Variants in PTPRQ observed in about 807,000 individuals in gnomAD.
PTPRQ encodes protein tyrosine phosphatase receptor type Q, also known as phosphatidylinositol phosphatase PTPRQ.
PTPRQ carries 199 observed loss-of-function variants against 246.0 expected under a neutral mutation model. The ratio of observed to expected loss-of-function variants is 0.81; its 90% confidence interval spans 0.72 to 0.91. The LOEUF (loss-of-function observed/expected upper bound fraction) is 0.91, where lower values mean the gene tolerates loss of function less well. Ranked by LOEUF, PTPRQ falls within the 40% of genes least tolerant of loss-of-function variation. The pLI, the probability that PTPRQ is intolerant of heterozygous loss-of-function variation, is 0.00. For synonymous variants in PTPRQ, 869 were observed against 853.2 expected, an observed-to-expected ratio of 1.02 and a Z score of -0.32; for missense variants, 2,624 against 2,528.4, an observed-to-expected ratio of 1.04 and a Z score of -0.81.
intron 6 of PTPRQ, 147 bp from the exon 7 acceptor site, chr12:80,468,563 T>A: frequency 1.3e-6 from 1 of 753,326 alleles, no homozygotes; most frequent in East Asian, 3.2e-5. Context: ...TATATTCCAT[T>A]TATTCTTTTT....
In PTPRQ at chr12:80,620,325, G is replaced by A; in HGVS notation, c.5561G>A (p.Gly1854Asp). ...IGADNACMIP[G>D]NEDKICNGPL... ...GCTGATAATGCATGCATGATTCCTG[G>A]CAATGAAGACAAAATTTGCAATGGA... Residue 1854 changes from glycine to aspartate, a missense_variant, in exon 32 of 45, where the codon GGC becomes GAC. Coordinates refer to ENST00000644991, the MANE Select transcript of PTPRQ (RefSeq NM_001145026.2). 6.5e-7 allele frequency: 1 copy of A among 1,549,216 alleles called. No individual in the cohort carries two copies.
At chr12:80,672,610 A>G (rs1379897493) in intron 42 of PTPRQ, among the ~76,000 whole-genome samples, 1 of 152,038 alleles carries the variant, frequency 6.6e-6, no homozygotes, top group African/African-American at 2.4e-5. Flanking sequence ...AACAGTTTCT[A>G]TGGAGCATAT....
intron 25 of PTPRQ, among the ~76,000 whole-genome samples, chr12:80,555,814 C>T (rs192944449): frequency 4.6e-5 from 7 of 152,242 alleles, no homozygotes; most frequent in Non-Finnish European, 8.8e-5. Context: ...TTTTACACTT[C>T]TTGTAGTGCA....
intron 8 of PTPRQ, among the ~76,000 whole-genome samples, chr12:80,475,346 G>A (rs1281834811): frequency 6.6e-6 from 1 of 151,982 alleles, no homozygotes; most frequent in African/African-American, 2.4e-5. Context: ...GGAGAAAATG[G>A]CATTGGGGTA....
At chr12:80,639,263 A>G (rs1899769877) in intron 35 of PTPRQ, among the ~76,000 whole-genome samples, 1 of 152,238 alleles carries the variant, frequency 6.6e-6, no homozygotes, top group Non-Finnish European at 1.5e-5. Context: ...ATTTTTTACT[A>G]TCTTCTTTCC....
At chr12:80,507,802 G>T (rs1185856370) in intron 16 of PTPRQ, among the ~76,000 whole-genome samples, 1 of 151,868 alleles carries the variant, frequency 6.6e-6, no homozygotes, top group East Asian at 1.9e-4. Context: ...TGCTCTGAAA[G>T]TTAAAATTAT....
At chr12:80,564,789 C>G (rs1896930396) in intron 25 of PTPRQ, among the ~76,000 whole-genome samples, 1 of 152,110 alleles carries the variant, frequency 6.6e-6, no homozygotes, top group East Asian at 1.9e-4. Flanking sequence ...ACTATATTGT[C>G]TCCCCTACCT....
intron 30 of PTPRQ, among the ~76,000 whole-genome samples, chr12:80,618,256 G>A (rs534726409): frequency 6.6e-6 from 1 of 151,144 alleles, no homozygotes; most frequent in African/African-American, 2.4e-5. Flanking sequence ...TAAAAACAAT[G>A]TTGATAATCC....
intron 35 of PTPRQ, among the ~76,000 whole-genome samples, chr12:80,636,855 G>A (rs960015353): frequency 7.9e-5 from 12 of 152,032 alleles, no homozygotes; most frequent in South Asian, 2.1e-4. Context: ...ATTATTTATC[G>A]AAGAGGTTAC....
At chr12:80,503,940 G>A (rs1894877186) in intron 14 of PTPRQ, among the ~76,000 whole-genome samples, 1 of 133,486 alleles carries the variant, frequency 7.5e-6, no homozygotes. Context: ...TTCCTATGTA[G>A]AAGATTTTTT....
At chr12:80,540,050 C>T in intron 20 of PTPRQ, 106 bp downstream of exon 20, 1 of 980,398 alleles carries the variant, frequency 1.0e-6, no homozygotes, top group Admixed American at 3.8e-5. Flanking sequence ...TTTATTTAGA[C>T]ACGTTCATTA....
intron 25 of PTPRQ, among the ~76,000 whole-genome samples, chr12:80,567,526 C>G (rs1897015067): frequency 6.6e-6 from 1 of 152,164 alleles, no homozygotes. Context: ...CAACTGCTGC[C>G]CTGATTTCAA....
intron 25 of PTPRQ, among the ~76,000 whole-genome samples, chr12:80,576,527 C>A (rs988346449): frequency 2.6e-5 from 4 of 152,112 alleles, no homozygotes; most frequent in Non-Finnish European, 5.9e-5. Flanking sequence ...TTTTTGAAAT[C>A]TGTCCATCCA....
At chr12:80,588,857 TAC>T (rs142745737) in intron 26 of PTPRQ, among the ~76,000 whole-genome samples, 2 of 152,140 alleles carry the variant, frequency 1.3e-5, no homozygotes, top group African/African-American at 4.8e-5. Context: ...ACTTCAAACT[TAC>T]ACACACACAC....
chr12:80,486,417 G>A lies in PTPRQ; in HGVS notation c.1359+1812G>A, dbSNP rs377326669. ...CTGCTTCCCCATGTAGCTGGTGTTT[G>A]GGTTTACCTTTCAGGAGATTGATGT... On this transcript the variant is annotated intron_variant, in intron 9 of 44. Coordinates refer to ENST00000644991, the MANE Select transcript of PTPRQ (RefSeq NM_001145026.2). Among the ~76,000 whole-genome samples, 3 of 152,226 alleles carry A rather than the reference G, an allele frequency of 2.0e-5. No homozygotes were observed. The South Asian group carries it at 6.2e-4, about 32-fold the overall frequency.
At chr12:80,638,152 C>T (rs1323118200) in intron 35 of PTPRQ, among the ~76,000 whole-genome samples, 1 of 151,926 alleles carries the variant, frequency 6.6e-6, no homozygotes, top group Non-Finnish European at 1.5e-5. Context: ...CCTGTAATCC[C>T]AGCTACTCAG....
chr12:80,609,369 C>A (rs1898462217), intron 27 of PTPRQ, among the ~76,000 whole-genome samples: 1 of 150,386 alleles, frequency 6.6e-6, no homozygotes, highest in African/African-American at 2.4e-5. Flanking sequence ...AAAAATATTT[C>A]AAAGTTATAA....
Position 80,506,150 on chromosome 12 carries a change from G to A in PTPRQ, c.2399G>A (p.Ser800Asn). The change falls in exon 15 of 45, where the codon AGT (serine) becomes AAT (asparagine). Residue 800 changes from serine (S) to asparagine (N), a missense_variant. Coordinates refer to ENST00000644991, the MANE Select transcript of PTPRQ (RefSeq NM_001145026.2). Reference protein sequence around the residue: ...IQKYTIYLKRSNGNEERTINT... With the variant: ...IQKYTIYLKRNNGNEERTINT... ...AAATATACAATTTATCTCAAGAGAA[G>A]TAATGGAAATGAGGAAAGAACTATA... 2.6e-6 allele frequency: 4 copies of A among 1,533,018 alleles called. No individual in the cohort carries two copies. The highest frequency in any genetic ancestry group is 3.5e-6 in the Non-Finnish European group (4 of 1,140,308). 95.0% of individuals were successfully genotyped at this position (1,533,018 alleles called of 1,614,324 possible). A position where few individuals can be genotyped will look rare whatever the true frequency, so the allele number is the denominator to read the frequency against.
chr12:80,567,019 G>T (rs1489773798), intron 25 of PTPRQ, among the ~76,000 whole-genome samples: 2 of 152,176 alleles, frequency 1.3e-5, no homozygotes, highest in Non-Finnish European at 2.9e-5. Context: ...CATGTTAAAA[G>T]TTGTGTGTGC....
Sources: allele counts gnomAD v4.1 joint callset (sites outside exome capture counted in the v4.1 genomes callset), GRCh38; gene constraint gnomAD v4.1.1; transcripts MANE v1.5; gene names NCBI Gene and HGNC (gene_info 2026-07-23, HGNC 2026-07-21).